Variants in TRMT2B observed in about 807,000 individuals in gnomAD.
The protein encoded by TRMT2B is tRNA (uracil-5-)-methyltransferase homolog B.
In TRMT2B, 34 loss-of-function variants were observed where a neutral mutation model predicts 39.7. That is an observed-to-expected ratio of 0.86 (90% CI 0.65 to 1.14). The LOEUF is 1.14. TRMT2B is among the 50% of genes most tolerant of loss of function. TRMT2B has a pLI of 0.00. For synonymous variants in TRMT2B, 132 were observed against 137.3 expected, an observed-to-expected ratio of 0.96 and a Z score of 0.27; for missense variants, 318 against 377.2, an observed-to-expected ratio of 0.84 and a Z score of 1.30.
intron 7 of TRMT2B, among the ~76,000 whole-genome samples, chrX:101,033,843 CTTT>C (rs770967318): frequency 9.3e-5 from 9 of 96,532 alleles, no homozygotes; most frequent in Non-Finnish European, 1.1e-4. Flanking sequence ...TTAACATTTC[CTTT>C]TTTTTTTTTT....
At chrX:101,049,155 T>C (rs2088883388) in intron 2 of TRMT2B, among the ~76,000 whole-genome samples, 1 of 110,637 alleles carries the variant, frequency 9.0e-6, no homozygotes, top group Non-Finnish European at 1.9e-5. Context: ...TGCTGGAGTG[T>C]AGTGAGGTTA....
chrX:101,047,887 A>ACT (rs2088789608), intron 2 of TRMT2B, among the ~76,000 whole-genome samples: 1 of 108,703 alleles, frequency 9.2e-6, no homozygotes, highest in African/African-American at 3.3e-5. Flanking sequence ...AAACTCCTGG[A>ACT]CTCAACCAAT....
chrX:101,003,017 C>T, the TRMT2B span, among the ~76,000 whole-genome samples: 1 of 109,009 alleles, frequency 9.2e-6, no homozygotes, highest in East Asian at 2.9e-4. Flanking sequence ...CAGGCTCAAG[C>T]TAATCTCCTA....
chrX:100,982,948 C>T, the TRMT2B span, among the ~76,000 whole-genome samples: 1 of 110,277 alleles, frequency 9.1e-6, no homozygotes, highest in Non-Finnish European at 1.9e-5. Flanking sequence ...ATAGGGAGTT[C>T]ATTAAACATG....
At chrX:101,031,182 C>T (rs1166009098) in intron 7 of TRMT2B, among the ~76,000 whole-genome samples, 3 of 107,943 alleles carry the variant, frequency 2.8e-5, no homozygotes, top group African/African-American at 1.0e-4. Flanking sequence ...GCCATGTTGT[C>T]CAGGCTGGTC....
chrX:101,037,980 A>G lies in TRMT2B; in HGVS notation c.375T>C (p.Ser125=). Residue 125 remains serine, a synonymous_variant, in exon 5 of 14, where the codon AGT becomes AGC. Coordinates refer to ENST00000372936, the MANE Select transcript of TRMT2B (RefSeq NM_024917.6). ...CAGATTTGGGTACAGCCGTTGTCAC[A>G]CTGACTCCATTGAGCATTTGGATGT... ...ESYIQMLNGV[S]VTTAVPKSER... The G allele has an allele frequency of 8.3e-7, 1 of 1,209,241 alleles. No individual in the cohort carries two copies.
chrX:100,984,858 C>G, the TRMT2B span, among the ~76,000 whole-genome samples: 1 of 112,190 alleles, frequency 8.9e-6, no homozygotes, highest in Non-Finnish European at 1.9e-5. Flanking sequence ...TTCATTCATT[C>G]ATTTATCAGA....
the TRMT2B span, chrX:100,988,167 C>G: frequency 3.5e-6 from 4 of 1,157,813 alleles, no homozygotes; most frequent in Non-Finnish European, 4.7e-6. Flanking sequence ...GTTTCTACTA[C>G]TGCTGTCCTT....
chrX:101,010,495 G>A lies in TRMT2B; in HGVS notation c.*86C>T. 9.5e-7 allele frequency: 1 copy of A among 1,056,747 alleles called. No homozygotes were observed. Among genetic ancestry groups the A allele is most frequent in the Non-Finnish European group, 1.3e-6 (1 of 766,273 alleles). 87.1% of individuals were successfully genotyped at this position (1,056,747 alleles called of 1,213,427 possible). A position where few individuals can be genotyped will look rare whatever the true frequency, so the allele number is the denominator to read the frequency against. ...ATTGGTTTCCACTGTAATGCTCCCA[G>A]GGTCTGCAATGTAGCAATATGCCAA... On this transcript the variant is annotated 3_prime_UTR_variant, in exon 14 of 14. Transcript: ENST00000372936.
the TRMT2B span, among the ~76,000 whole-genome samples, chrX:100,981,703 G>C: frequency 9.2e-6 from 1 of 108,354 alleles, no homozygotes; most frequent in South Asian, 4.4e-4. Context: ...CATTTACTCA[G>C]GAGGCTAAGG....
At chrX:101,013,116 C>T (rs1161941110) in intron 13 of TRMT2B, among the ~76,000 whole-genome samples, 1 of 111,677 alleles carries the variant, frequency 9.0e-6, no homozygotes, top group Non-Finnish European at 1.9e-5. Context: ...CCACCGCGCC[C>T]GGTCAGCTCC....
chrX:101,020,320 G>T (rs1340922776), intron 11 of TRMT2B, among the ~76,000 whole-genome samples, 167 bp downstream of exon 11: 1 of 111,411 alleles, frequency 9.0e-6, no homozygotes, highest in Non-Finnish European at 1.9e-5. Flanking sequence ...ACCTATTCCA[G>T]AAAACCATGA....
At chrX:101,026,285 C>T (rs745781092) in intron 7 of TRMT2B, among the ~76,000 whole-genome samples, 4 of 109,288 alleles carry the variant, frequency 3.7e-5, no homozygotes, top group Non-Finnish European at 7.6e-5. Flanking sequence ...GAGACCAGCC[C>T]GGGCAACATG....
In TRMT2B at chrX:101,034,530, G is replaced by C. The variant is rs745942761; in HGVS notation, c.609+1083C>G. On this transcript the variant is annotated intron_variant, in intron 7 of 13. Coordinates refer to ENST00000372936, the MANE Select transcript of TRMT2B (RefSeq NM_024917.6). ...GTAGAGGGGTCAGAGGTGAAAGCTA[G>C]ACCTCCCTGAATATACCTTTATTTT... Among the ~76,000 whole-genome samples the C allele has an allele frequency of 1.1e-4, 12 of 111,475 alleles. No homozygotes were observed. In the South Asian group the frequency reaches 4.1e-3, roughly 38 times the overall value.
intron 13 of TRMT2B, among the ~76,000 whole-genome samples, chrX:101,012,170 T>A (rs749509134): frequency 8.1e-4 from 90 of 110,689 alleles, no homozygotes; most frequent in Non-Finnish European, 1.6e-3. Flanking sequence ...TTATAAGTGG[T>A]GATGCTGGTG....
At chrX:100,974,260 A>G in the TRMT2B span, 19 of 895,218 alleles carry the variant, frequency 2.1e-5, no homozygotes, top group Non-Finnish European at 2.9e-5. Flanking sequence ...ATCCAGTGAA[A>G]TAATCCTTCC....
chrX:100,977,980 A>C, the TRMT2B span, among the ~76,000 whole-genome samples: 6 of 112,224 alleles, frequency 5.3e-5, no homozygotes, highest in Admixed American at 9.4e-5. Context: ...GACACCAGAT[A>C]TCTCTTCAAC....
In TRMT2B at chrX:101,010,325, T is replaced by A. The variant is rs2086196988; in HGVS notation, c.*256A>T. On this transcript the variant is annotated 3_prime_UTR_variant, in exon 14 of 14. Transcript: ENST00000372936. The stretch of plus-strand genomic sequence containing the variant: ...TACTGGGGAAGCTGAGGCACGAGAA[T>A]CACTTGAACCCGGGAGGCGGAGGTT... 1 of 279,600 alleles carries A rather than the reference T, an allele frequency of 3.6e-6. No homozygotes were observed. Among genetic ancestry groups the A allele is most frequent in the African/African-American group, 2.7e-5 (1 of 37,350 alleles). The allele number at this position is 279,600 out of a possible 1,213,427, so 23.0% of individuals were successfully genotyped here. A position where few individuals can be genotyped will look rare whatever the true frequency, so the allele number is the denominator to read the frequency against.
rs781248288 is a variant in TRMT2B at position 101,042,241 on chromosome X, T to C, written c.49A>G (p.Ile17Val). The change falls in exon 3 of 14, where the codon ATC (isoleucine) becomes GTC (valine). Residue 17 changes from isoleucine (I) to valine (V), a missense_variant. By Grantham distance (29) the Ile-to-Val change is conservative (BLOSUM62 3). Transcript: ENST00000372936. Reference sequence around the variant, plus strand: ...TTGGAGAAGAGACCCACCATGGAGATGAAGTATCTGAGGCTGTGCAGTGGG... The same window carrying C: ...TTGGAGAAGAGACCCACCATGGAGACGAAGTATCTGAGGCTGTGCAGTGGG... Reference protein sequence around the residue: ...RVPLHSLRYFISMVGLFSKPG... With the variant: ...RVPLHSLRYFVSMVGLFSKPG... 2 of 1,210,484 alleles carry C rather than the reference T, an allele frequency of 1.7e-6. No homozygotes were observed. Among genetic ancestry groups the C allele is most frequent in the Admixed American group, 2.2e-5 (1 of 45,732 alleles).
Sources: allele counts gnomAD v4.1 joint callset (sites outside exome capture counted in the v4.1 genomes callset), GRCh38; gene constraint gnomAD v4.1.1; transcripts MANE v1.5; gene names NCBI Gene and HGNC (gene_info 2026-07-23, HGNC 2026-07-21).